Variants in SGTB observed in about 807,000 individuals in gnomAD.
SGTB encodes the protein small glutamine rich tetratricopeptide repeat co-chaperone beta.
SGTB carries 19 observed loss-of-function variants against 43.9 expected under a neutral mutation model. The observed-to-expected ratio is 0.43, with a 90% CI of 0.30 to 0.63. The LOEUF is 0.63. Among genes scored for constraint, SGTB ranks in the 30% least tolerant of loss-of-function variants. The pLI, the probability that SGTB is intolerant of heterozygous loss-of-function variation, is 0.12. For synonymous variants in SGTB, 116 were observed against 117.3 expected (o/e 0.99, Z 0.07); for missense variants, 304 against 358.9 (o/e 0.85, Z 1.24).
intron 8 of SGTB, among the ~76,000 whole-genome samples, chr5:65,673,898 C>T (rs113739401): frequency 0.031 from 4,759 of 152,190 alleles, 206 homozygotes; most frequent in African/African-American, 0.1. Flanking sequence ...TCAAGTGCTC[C>T]GCCCATCTTA....
At chr5:65,709,768 T>A (rs899009577) in intron 3 of SGTB, among the ~76,000 whole-genome samples, 10 of 152,104 alleles carry the variant, frequency 6.6e-5, no homozygotes, top group African/African-American at 2.4e-4. Context: ...ACCTGGGTAA[T>A]TTTTTTATAT....
In SGTB at chr5:65,668,140, G is replaced by A. The variant is rs1757079667; in HGVS notation, c.*2106C>T. 2 of 151,534 alleles carry A rather than the reference G, an allele frequency of 1.3e-5. No homozygotes were observed. Among genetic ancestry groups the A allele is most frequent in the South Asian group, 2.1e-4 (1 of 4,802 alleles). 9.4% of individuals were successfully genotyped at this position (151,534 alleles called of 1,614,324 possible). ...GCTAATTTTTGTATTTTCAGTAGAG[G>A]TGGGTTTCACCATGTTGGCCAGGCT... On this transcript the variant is annotated 3_prime_UTR_variant, in exon 11 of 11. Transcript: ENST00000381007.
intron 4 of SGTB, among the ~76,000 whole-genome samples, chr5:65,706,566 G>A (rs771469496): frequency 8.5e-5 from 13 of 152,100 alleles, no homozygotes; most frequent in Middle Eastern, 3.4e-3. Context: ...GTGTGGTGGC[G>A]CACATCTGTA....
chr5:65,697,985 T>C (rs1398503495), intron 5 of SGTB, among the ~76,000 whole-genome samples: 1 of 152,188 alleles, frequency 6.6e-6, no homozygotes, highest in Admixed American at 6.5e-5. Flanking sequence ...ATTTCTTTCA[T>C]ATGAAACTCT....
At chr5:65,692,598 G>C (rs463911) in intron 5 of SGTB, among the ~76,000 whole-genome samples, 1 of 152,008 alleles carries the variant, frequency 6.6e-6, no homozygotes. Context: ...TGTCTATCTC[G>C]TGAAAAACAA....
chr5:65,689,891 C>A (rs913635116), intron 5 of SGTB, among the ~76,000 whole-genome samples: 1 of 142,454 alleles, frequency 7.0e-6, no homozygotes, highest in Non-Finnish European at 1.6e-5. Flanking sequence ...TAAACATAGT[C>A]CTTTGCTTCA....
chr5:65,698,970 T>C (rs991823730), intron 5 of SGTB, among the ~76,000 whole-genome samples: 3 of 152,128 alleles, frequency 2.0e-5, no homozygotes, highest in East Asian at 1.9e-4. Flanking sequence ...GAAAACAGTA[T>C]GGAGATTTCT....
chr5:65,712,423 G>A lies in SGTB; in HGVS notation c.204+538C>T, dbSNP rs376002106. ...CATGTATAAATAGTCCCCAGGAGCA[G>A]GGATCAGAAAACTTGGATTTCAGTC... On this transcript the variant is annotated intron_variant, in intron 3 of 10. Transcript: ENST00000381007. Among the ~76,000 whole-genome samples, 7 of 152,326 alleles carry A rather than the reference G, an allele frequency of 4.6e-5. No individual in the cohort carries two copies. In the East Asian group the frequency reaches 7.7e-4, roughly 17 times the overall value.
chr5:65,666,988 T>G lies in SGTB; in HGVS notation c.*3258A>C, dbSNP rs1310623666. The G allele has an allele frequency of 6.6e-6, 1 of 152,194 alleles. No individual in the cohort carries two copies. Among genetic ancestry groups the G allele is most frequent in the Non-Finnish European group, 1.5e-5 (1 of 68,002 alleles). The allele number at this position is 152,194 out of a possible 1,614,324, so 9.4% of individuals were successfully genotyped here. On this transcript the variant is annotated 3_prime_UTR_variant, in exon 11 of 11. Transcript: ENST00000381007. Reference sequence around the variant, plus strand: ...GGAAGAGATTGTTTAGAATTGATATTATTTCTCCCTTAAGTGTTTGGTAAA... The same window carrying G: ...GGAAGAGATTGTTTAGAATTGATATGATTTCTCCCTTAAGTGTTTGGTAAA...
chr5:65,678,352 A>G (rs1446053931), intron 8 of SGTB, among the ~76,000 whole-genome samples: 1 of 152,246 alleles, frequency 6.6e-6, no homozygotes, highest in Non-Finnish European at 1.5e-5. Flanking sequence ...AAGAGAGAAC[A>G]GAAACAAGTG....
At chr5:65,709,685 T>C (rs1366112185) in intron 3 of SGTB, among the ~76,000 whole-genome samples, 1 of 152,200 alleles carries the variant, frequency 6.6e-6, no homozygotes, top group Non-Finnish European at 1.5e-5. Context: ...CCGTGTTTTC[T>C]TATATTGTAG....
Position 65,684,544 on chromosome 5 carries a change from C to T in SGTB, c.479+824G>A, listed in dbSNP as rs76961225. On this transcript the variant is annotated intron_variant, in intron 6 of 10. Coordinates refer to ENST00000381007, the MANE Select transcript of SGTB (RefSeq NM_019072.3). ...TTAAAGCATGAGTGGAGGCAATGGTCTTAGGTAAGAATGCTTCTTTTTTTT... is the reference window on the plus strand; with the variant it reads ...TTAAAGCATGAGTGGAGGCAATGGTTTTAGGTAAGAATGCTTCTTTTTTTT... Among the ~76,000 whole-genome samples, 275 of 152,076 alleles carry T rather than the reference C, an allele frequency of 1.8e-3. 5 individuals carry two copies. Among genetic ancestry groups the T allele is most frequent in the African/African-American group, 6.2e-3 (259 of 41,510 alleles).
intron 10 of SGTB, 42 bp from the exon 11 acceptor site, chr5:65,670,399 G>A (rs1445866299): frequency 2.0e-6 from 3 of 1,522,090 alleles, no homozygotes; most frequent in African/African-American, 1.4e-5. Flanking sequence ...GGAATTGCCA[G>A]TCACATTTAC....
chr5:65,718,275 C>T (rs768718847), intron 2 of SGTB, among the ~76,000 whole-genome samples: 3 of 152,058 alleles, frequency 2.0e-5, no homozygotes, highest in Non-Finnish European at 4.4e-5. Context: ...CACTAGATGC[C>T]AATAATACCA....
chr5:65,688,020 C>T (rs1372458941), intron 5 of SGTB, among the ~76,000 whole-genome samples: 1 of 152,102 alleles, frequency 6.6e-6, no homozygotes, highest in Admixed American at 6.5e-5. Flanking sequence ...CCGCCCACCT[C>T]GGCCTCCCCA....
chr5:65,695,645 A>G (rs572753468), intron 5 of SGTB, among the ~76,000 whole-genome samples: 1 of 152,338 alleles, frequency 6.6e-6, no homozygotes, highest in South Asian at 2.1e-4. Flanking sequence ...CTTATTAGAA[A>G]CAAAAGCACA....
At chr5:65,700,520 A>T (rs1439792109) in intron 5 of SGTB, among the ~76,000 whole-genome samples, 1 of 151,640 alleles carries the variant, frequency 6.6e-6, no homozygotes, top group Non-Finnish European at 1.5e-5. Flanking sequence ...TACTAAAAAA[A>T]ATACAAAAAA....
chr5:65,696,077 G>A (rs552815131), intron 5 of SGTB, among the ~76,000 whole-genome samples: 1 of 152,264 alleles, frequency 6.6e-6, no homozygotes, highest in East Asian at 1.9e-4. Context: ...GAGCTCACAC[G>A]GCTACGTGCT....
chr5:65,688,114 C>T (rs1390872097), intron 5 of SGTB, among the ~76,000 whole-genome samples: 2 of 152,094 alleles, frequency 1.3e-5, no homozygotes, highest in Admixed American at 1.3e-4. Context: ...CAAATTTCAT[C>T]TAAGAATTCA....
Sources: allele counts gnomAD v4.1 joint callset (sites outside exome capture counted in the v4.1 genomes callset), GRCh38; gene constraint gnomAD v4.1.1; transcripts MANE v1.5; gene names NCBI Gene and HGNC (gene_info 2026-07-23, HGNC 2026-07-21).